The following XXYLT1 variants were observed in gnomAD, a reference collection of about 807,000 sequenced individuals.
XXYLT1 encodes the protein xyloside xylosyltransferase 1.
In XXYLT1, 20 loss-of-function variants were observed where a neutral mutation model predicts 28.9. That is an observed-to-expected ratio of 0.69 (90% CI 0.49 to 1.00). XXYLT1 has a LOEUF of 1.00. Among genes scored for constraint, XXYLT1 ranks in the 50% least tolerant of loss-of-function variants. The pLI, the probability that XXYLT1 is intolerant of heterozygous loss-of-function variation, is 0.00. For missense variants in XXYLT1, 542 were observed against 560.1 expected (o/e 0.97, Z 0.33); for synonymous variants, 257 against 253.8 (o/e 1.01, Z -0.12).
At chr3:195,137,585 G>A (rs1468090063) in intron 3 of XXYLT1, among the ~76,000 whole-genome samples, 2 of 152,230 alleles carry the variant, frequency 1.3e-5, no homozygotes, top group Non-Finnish European at 2.9e-5. Flanking sequence ...TTCTAGGCCA[G>A]GACAAATTCC....
chr3:195,146,337 A>G (rs1366623954), intron 3 of XXYLT1, among the ~76,000 whole-genome samples: 3 of 152,228 alleles, frequency 2.0e-5, no homozygotes, highest in African/African-American at 7.2e-5. Flanking sequence ...CCTGGATTAC[A>G]AATAAGGTTC....
At chr3:195,202,348 A>G (rs979393656) in intron 2 of XXYLT1, among the ~76,000 whole-genome samples, 4 of 147,892 alleles carry the variant, frequency 2.7e-5, no homozygotes, top group Non-Finnish European at 4.5e-5. Context: ...AAAACAGACA[A>G]TGGAATAGGG....
intron 2 of XXYLT1, among the ~76,000 whole-genome samples, chr3:195,215,949 G>T (rs1269462129): frequency 2.6e-5 from 4 of 151,840 alleles, no homozygotes; most frequent in Non-Finnish European, 5.9e-5. Flanking sequence ...AAATGTAAAA[G>T]AACAGAAATT....
intron 1 of XXYLT1, among the ~76,000 whole-genome samples, chr3:195,254,401 C>T (rs1577202147): frequency 6.6e-6 from 1 of 152,250 alleles, no homozygotes; most frequent in Non-Finnish European, 1.5e-5. Flanking sequence ...TTCCTTTTCC[C>T]CTGTGAGGAA....
chr3:195,192,840 G>A (rs1020647196), intron 2 of XXYLT1, among the ~76,000 whole-genome samples: 4 of 152,098 alleles, frequency 2.6e-5, no homozygotes, highest in Admixed American at 2.6e-4. Flanking sequence ...AAGGAAGAAG[G>A]AAACTGTCTT....
chr3:195,093,322 C>T (rs1477939709), intron 3 of XXYLT1, among the ~76,000 whole-genome samples: 2 of 101,182 alleles, frequency 2.0e-5, no homozygotes, highest in Non-Finnish European at 3.7e-5. Flanking sequence ...AAATGTGGCA[C>T]ATATACACCA....
chr3:195,239,331 C>G (rs1037460096), intron 1 of XXYLT1, among the ~76,000 whole-genome samples: 2 of 152,056 alleles, frequency 1.3e-5, no homozygotes, highest in Admixed American at 1.3e-4. Flanking sequence ...CCTGGCAGTG[C>G]GGCAGGGGGC....
chr3:195,166,015 AT>A (rs1317014292), intron 2 of XXYLT1, among the ~76,000 whole-genome samples: 4 of 152,010 alleles, frequency 2.6e-5, no homozygotes, highest in African/African-American at 9.7e-5. Context: ...CCCTCCTGTT[AT>A]GAGTCTGATA....
At chr3:195,211,683 A>C (rs1363587050) in intron 2 of XXYLT1, among the ~76,000 whole-genome samples, 2 of 152,242 alleles carry the variant, frequency 1.3e-5, no homozygotes, top group African/African-American at 4.8e-5. Flanking sequence ...AGACGATAAG[A>C]ACTATGAAGA....
chr3:195,109,547 G>C (rs1387587377), intron 3 of XXYLT1, among the ~76,000 whole-genome samples: 2 of 141,982 alleles, frequency 1.4e-5, no homozygotes, highest in African/African-American at 5.3e-5. Context: ...ATGTGTAGGG[G>C]GTGTGTGTGT....
chr3:195,162,477 C>A (rs938455842), intron 2 of XXYLT1, among the ~76,000 whole-genome samples: 6 of 152,234 alleles, frequency 3.9e-5, no homozygotes, highest in African/African-American at 1.4e-4. Flanking sequence ...AAATGAATAA[C>A]CACAGCCAGT....
At chr3:195,088,585 A>G (rs1407046084) in intron 3 of XXYLT1, among the ~76,000 whole-genome samples, 35 of 115,802 alleles carry the variant, frequency 3.0e-4, no homozygotes, top group South Asian at 1.1e-3. Context: ...AAAAAACAGA[A>G]CAGAAAAACT....
At chr3:195,166,598 C>T (rs1224172472) in intron 2 of XXYLT1, among the ~76,000 whole-genome samples, 1 of 152,142 alleles carries the variant, frequency 6.6e-6, no homozygotes, top group Non-Finnish European at 1.5e-5. Context: ...AGTTGTCCCA[C>T]GTGTTCTATC....
chr3:195,152,503 G>A (rs1336363861), intron 3 of XXYLT1: 2 of 152,428 alleles, frequency 1.3e-5, no homozygotes, highest in African/African-American at 4.8e-5. Flanking sequence ...CGATCCCTGT[G>A]TCACTTTCCA....
intron 2 of XXYLT1, among the ~76,000 whole-genome samples, chr3:195,190,631 T>TG (rs1177954842): frequency 6.6e-6 from 1 of 151,870 alleles, no homozygotes; most frequent in Admixed American, 6.6e-5. Context: ...TATAAAAGAT[T>TG]GAATATATTT....
At position 195,270,816 on chromosome 3, in the gene XXYLT1, G is replaced by A; in HGVS notation, c.243C>T (p.Ala81=). The A allele has an allele frequency of 6.7e-7, 1 of 1,495,312 alleles. No individual in the cohort carries two copies. The highest frequency in any genetic ancestry group is 8.9e-7 in the Non-Finnish European group (1 of 1,124,654). 92.6% of individuals were successfully genotyped at this position (1,495,312 alleles called of 1,614,324 possible). ...LELARGSVAP[A]PGAKAKSLEG... is the part of the protein sequence containing the mutation. Reference sequence around the variant, plus strand: ...CCAAGCTCTTGGCCTTCGCGCCGGGGGCTGGCGCCACGGAGCCCCGCGCTA... The same window carrying A: ...CCAAGCTCTTGGCCTTCGCGCCGGGAGCTGGCGCCACGGAGCCCCGCGCTA... Residue 81 remains alanine, a synonymous_variant, in exon 1 of 4, where the codon GCC becomes GCT. Transcript: ENST00000310380.
chr3:195,136,374 T>G (rs1250231995), intron 3 of XXYLT1, among the ~76,000 whole-genome samples: 2 of 152,026 alleles, frequency 1.3e-5, no homozygotes, highest in Non-Finnish European at 2.9e-5. Context: ...ATAAGGTGGC[T>G]GGGTAGGAGA....
rs975089902 is a variant in XXYLT1 at position 195,176,867 on chromosome 3, G to A, written c.653-20286C>T. On this transcript the variant is annotated intron_variant, in intron 2 of 3. Transcript: ENST00000310380. The surrounding 1 kb of genome is among the most constrained non-coding windows in gnomAD (Gnocchi z 4.9). ...ACAGGGTCTGCTGGAAAGGTGATCT[G>A]AGAGGTAGGACAAGGCCGACTCCTT... 6.6e-6 allele frequency among the ~76,000 whole-genome samples: 1 copy of A among 152,206 alleles called. No homozygotes were observed. Among genetic ancestry groups the A allele is most frequent in the African/African-American group, 2.4e-5 (1 of 41,446 alleles).
chr3:195,082,697 A>C (rs1715502118), intron 3 of XXYLT1, among the ~76,000 whole-genome samples: 1 of 152,136 alleles, frequency 6.6e-6, no homozygotes, highest in Non-Finnish European at 1.5e-5. Flanking sequence ...AACTCCACAA[A>C]AATTAGCCGG....
Sources: gnomAD v4.1 joint callset for allele counts (sites outside exome capture counted in the v4.1 genomes callset) on GRCh38, gnomAD v4.1.1 for gene constraint, Gnocchi (gnomAD v3.1) non-coding constraint, MANE v1.5 for transcripts, NCBI Gene and HGNC (gene_info 2026-07-23, HGNC 2026-07-21) for gene names.